The following NR4A1 variants were observed in gnomAD, a reference collection of about 807,000 sequenced individuals.
NR4A1 encodes nuclear receptor subfamily 4 group A member 1.
A neutral mutation model predicts 47.5 loss-of-function variants in NR4A1; 24 were observed. That is an observed-to-expected ratio of 0.50 (90% CI 0.37 to 0.71). The LOEUF is 0.71. Among genes scored for constraint, NR4A1 ranks in the 30% least tolerant of loss-of-function variants. NR4A1 has a pLI of 0.00. For missense variants in NR4A1, 669 were observed against 788.6 expected (o/e 0.85, Z 1.82); for synonymous variants, 353 against 345.7 (o/e 1.02, Z -0.24).
upstream of NR4A1, among the ~76,000 whole-genome samples, chr12:52,048,602 AAGTT>A (rs564403155): frequency 1.0e-3 from 154 of 152,246 alleles, no homozygotes; most frequent in African/African-American, 3.6e-3. Context: ...TTAAAAAAAA[AAGTT>A]AGTTTTATTT....
At chr12:52,026,361 A>G (rs1376743675) in intron 1 of NR4A1, among the ~76,000 whole-genome samples, 25 of 152,250 alleles carry the variant, frequency 1.6e-4, no homozygotes. Flanking sequence ...GAAGAAGTTA[A>G]AAATAACAAC....
intron 1 of NR4A1, among the ~76,000 whole-genome samples, chr12:52,029,428 C>T (rs1046606942): frequency 3.3e-5 from 5 of 152,202 alleles, no homozygotes; most frequent in South Asian, 2.1e-4. Context: ...GTGGCCCACA[C>T]CTGTAATCCA....
At position 52,051,505 on chromosome 12, in the gene NR4A1, G is replaced by A. The variant is rs2120409910; in HGVS notation, c.-66G>A. 1 of 985,674 alleles carries A rather than the reference G, an allele frequency of 1.0e-6. No individual in the cohort carries two copies. The highest frequency in any genetic ancestry group is 1.2e-6 in the Non-Finnish European group (1 of 830,082). 61.1% of individuals were successfully genotyped at this position (985,674 alleles called of 1,614,324 possible). On this transcript the variant is annotated 5_prime_UTR_variant, in exon 1 of 7. Transcript: ENST00000394825. ...ACAGAAGAACTTCGGGAGCGCACGC[G>A]GGACCAGGGACCAGGCTGAGACTCG...
At chr12:52,029,339 G>A (rs536734686) in intron 1 of NR4A1, among the ~76,000 whole-genome samples, 1 of 152,252 alleles carries the variant, frequency 6.6e-6, no homozygotes. Flanking sequence ...TTGTGTGCCT[G>A]TGGGTCCTGC....
chr12:52,048,614 T>C (rs932055013), upstream of NR4A1, among the ~76,000 whole-genome samples: 3 of 152,060 alleles, frequency 2.0e-5, no homozygotes, highest in African/African-American at 7.2e-5. Flanking sequence ...GTTAGTTTTA[T>C]TTTCTAGGGA....
chr12:52,052,492 A>G, intron 1 of NR4A1: 3 of 985,404 alleles, frequency 3.0e-6, no homozygotes, highest in Non-Finnish European at 3.6e-6. Flanking sequence ...GTTGGATCTT[A>G]CAGGTAGGGT....
rs1345175479 is a variant in NR4A1, at chr12:52,056,497, T to C, written c.1010T>C (p.Val337Ala). The change falls in exon 4 of 7, where the codon GTC becomes GCC. Residue 337 changes from valine (V) to alanine (A), a missense_variant. Physicochemically the swap from Val to Ala is moderately conservative, Grantham distance 64. Transcript: ENST00000394825. ...ACCCCTACCCATTCCTTTGCAGTTG[T>C]CCGAACAGACAGCCTGAAGGGGCGG... Reference protein sequence around the residue: ...CLAVGMVKEVVRTDSLKGRRG... With the variant: ...CLAVGMVKEVARTDSLKGRRG... The C allele has an allele frequency of 6.2e-7, 1 of 1,612,810 alleles. No individual in the cohort carries two copies. Among genetic ancestry groups the C allele is most frequent in the Non-Finnish European group, 8.5e-7 (1 of 1,179,594 alleles).
intron 1 of NR4A1, among the ~76,000 whole-genome samples, chr12:52,038,977 G>C (rs1172419138): frequency 2.0e-5 from 3 of 152,210 alleles, no homozygotes; most frequent in East Asian, 3.9e-4. Context: ...GGTCCAAGTG[G>C]GTGGCAGGGG....
chr12:52,057,710 A>C (rs1168830585), intron 6 of NR4A1, among the ~76,000 whole-genome samples, 180 bp downstream of exon 6: 5 of 152,222 alleles, frequency 3.3e-5, no homozygotes, highest in Non-Finnish European at 7.3e-5. Context: ...AGATGGGCTC[A>C]GCTGCATCCA....
chr12:52,023,538 A>G (rs1233720926), intron 1 of NR4A1, among the ~76,000 whole-genome samples: 2 of 151,896 alleles, frequency 1.3e-5, no homozygotes, highest in East Asian at 3.9e-4. Context: ...CCACACCGGG[A>G]CCTTCCCCTC....
Position 52,057,096 on chromosome 12 carries a change from G to A in NR4A1, c.1198G>A (p.Ala400Thr). Residue 400 changes from alanine (A) to threonine (T), a missense_variant, in exon 5 of 7, where the codon GCT becomes ACT. Physicochemically the swap from Ala to Thr is moderately conservative, Grantham distance 58. Coordinates refer to ENST00000394825, the MANE Select transcript of NR4A1 (RefSeq NM_173157.3). ...LVLPHFGKED[A>T]GDVQQFYDLL... ...GCTGCCCCACTTTGGGAAGGAAGAT[G>A]CTGGGGATGTACAGCAGTTCTACGA... The A allele has an allele frequency of 1.9e-6, 3 of 1,611,630 alleles. No individual in the cohort carries two copies. The highest frequency in any genetic ancestry group is 2.5e-6 in the Non-Finnish European group (3 of 1,178,870).
upstream of NR4A1, among the ~76,000 whole-genome samples, chr12:52,048,580 C>T (rs561055482): frequency 3.3e-5 from 5 of 152,042 alleles, no homozygotes; most frequent in Non-Finnish European, 5.9e-5. Context: ...GGTGACAGAG[C>T]GAGACTCCGT....
intron 2 of NR4A1, 176 bp downstream of exon 2, chr12:52,055,380 G>T (rs1024644611): frequency 1.3e-6 from 1 of 764,438 alleles, no homozygotes; most frequent in Non-Finnish European, 2.1e-6. Flanking sequence ...GCCAGGGCTG[G>T]AAGCTTTCAT....
At chr12:52,041,793 C>G (rs1490971818) in intron 1 of NR4A1, 1 of 1,326,134 alleles carries the variant, frequency 7.5e-7, no homozygotes, top group South Asian at 2.3e-5. Flanking sequence ...TCACTCACAT[C>G]GACTCTCCCT....
At chr12:52,037,491 C>T (rs1276004767) in intron 1 of NR4A1, 2 of 982,222 alleles carry the variant, frequency 2.0e-6, no homozygotes, top group Non-Finnish European at 2.4e-6. Flanking sequence ...AGAGGCCGGG[C>T]AATCTCGGGT....
intron 1 of NR4A1, among the ~76,000 whole-genome samples, chr12:52,031,227 C>T (rs563020817): frequency 4.2e-4 from 64 of 151,424 alleles, no homozygotes; most frequent in Non-Finnish European, 6.6e-4. Context: ...GTCTCCCTTA[C>T]GTTGCCCAGG....
chr12:52,058,894 C>A lies in NR4A1; in HGVS notation c.1747C>A (p.Pro583Thr), dbSNP rs1939417888. The change falls in exon 7 of 7, where the codon CCC becomes ACC. Residue 583 changes from proline (P) to threonine (T), a missense_variant. Coordinates refer to ENST00000394825, the MANE Select transcript of NR4A1 (RefSeq NM_173157.3). ...CTACCTCAAGCTGGAGGACTTGGTG[C>A]CCCCTCCACCCATCATTGACAAGAT... Reference protein sequence around the residue: ...IFYLKLEDLVPPPPIIDKIFM... With the variant: ...IFYLKLEDLVTPPPIIDKIFM... The A allele has an allele frequency of 1.2e-6, 2 of 1,613,858 alleles. No homozygotes were observed. The highest frequency in any genetic ancestry group is 1.7e-6 in the Non-Finnish European group (2 of 1,179,792).
intron 1 of NR4A1, among the ~76,000 whole-genome samples, chr12:52,034,096 C>T (rs1938187607): frequency 6.6e-6 from 1 of 152,168 alleles, no homozygotes. Context: ...CTACTTCCCA[C>T]CCTCAGGATC....
chr12:52,046,659 A>C (rs147271693), upstream of NR4A1, among the ~76,000 whole-genome samples: 17 of 152,308 alleles, frequency 1.1e-4, no homozygotes, highest in Non-Finnish European at 2.2e-4. Context: ...ATGAAGAAAT[A>C]CGTTCCTCTC....
Sources: allele counts gnomAD v4.1 joint callset (sites outside exome capture counted in the v4.1 genomes callset), GRCh38; gene constraint gnomAD v4.1.1; transcripts MANE v1.5; gene names NCBI Gene and HGNC (gene_info 2026-07-23, HGNC 2026-07-21).